The following AKT1 variants were observed in gnomAD, a reference collection of about 807,000 sequenced individuals.
The protein encoded by AKT1 is RAC-alpha serine/threonine-protein kinase.
Under a neutral mutation model 63.1 loss-of-function variants are expected in AKT1, and 21 were observed. That is an observed-to-expected ratio of 0.33 (90% CI 0.24 to 0.48). The LOEUF is 0.48. Among genes scored for constraint, AKT1 ranks in the 20% least tolerant of loss-of-function variants. The pLI is 0.99. For missense variants in AKT1, 382 were observed against 666.0 expected (o/e 0.57, Z 4.69); for synonymous variants, 257 against 253.1 (o/e 1.02, Z -0.15).
chr14:104,781,532 G>A (rs1012187078), intron 3 of AKT1, among the ~76,000 whole-genome samples: 2 of 152,180 alleles, frequency 1.3e-5, no homozygotes, highest in African/African-American at 2.4e-5. Flanking sequence ...GGAGCCACGG[G>A]GGAGTTCTTT....
chr14:104,770,452 CCCACCTCCCTG>C (rs767979781), intron 14 of AKT1, 32 bp from the exon 15 acceptor site: 2 of 1,538,782 alleles, frequency 1.3e-6, no homozygotes, highest in African/African-American at 2.7e-5. Flanking sequence ...ACCCCGGTGC[CCCACCTCCCTG>C]CCACCTCCAC....
At position 104,773,045 on chromosome 14, in the gene AKT1, C is replaced by G. The variant is rs758651475; in HGVS notation, c.1005G>C (p.Leu335=). 1 of 1,614,038 alleles carries G rather than the reference C, an allele frequency of 6.2e-7. No homozygotes were observed. The highest frequency in any genetic ancestry group is 2.2e-5 in the East Asian group (1 of 44,884). ...ACATCATCTCGTACATGACCACGCC[C>G]AGCCCCCACCAGTCCACTGCACGGC... ...DYGRAVDWWG[L]GVVMYEMMCG... is the part of the protein sequence containing the mutation. Residue 335 remains leucine, a synonymous_variant, in exon 12 of 15, where the codon CTG becomes CTC. Coordinates refer to ENST00000649815, the MANE Select transcript of AKT1 (RefSeq NM_001382430.1).
Position 104,782,680 on chromosome 14 carries a change from C to T in AKT1, c.47-2464G>A, listed in dbSNP as rs766201763. Among the ~76,000 whole-genome samples the T allele has an allele frequency of 8.9e-4, 135 of 152,290 alleles. 2 individuals carry two copies. The highest frequency in any genetic ancestry group is 3.4e-3 in the Middle Eastern group (1 of 294). On this transcript the variant is annotated intron_variant, in intron 3 of 14. Coordinates refer to ENST00000649815, the MANE Select transcript of AKT1 (RefSeq NM_001382430.1). The stretch of plus-strand genomic sequence containing the variant: ...CCTTCCCCTCGCCTGGCCCCACAGA[C>T]CCAGGGAACAGACGGCGATCAGGGC...
chr14:104,772,807 C>G, intron 12 of AKT1, 71 bp downstream of exon 12: 1 of 1,496,464 alleles, frequency 6.7e-7, no homozygotes, highest in Non-Finnish European at 9.0e-7. Flanking sequence ...GACCGCCTGG[C>G]GCAGGGGCAG....
rs1893701207 is a variant in AKT1, at chr14:104,792,873, C to T, written c.-79-151G>A. The T allele has an allele frequency of 2.3e-5, 14 of 603,236 alleles. No homozygotes were observed. The South Asian group carries it at 2.5e-4, about 11-fold the overall frequency. The allele number at this position is 603,236 out of a possible 1,614,324, so 37.4% of individuals were successfully genotyped here. ...GCTGCCATCCCTCTAAGCTCTCTGA[C>T]CCCCATCTGCCCGCCTGCCTTCCCT... On this transcript the variant is annotated intron_variant, in intron 2 of 14. Transcript: ENST00000649815.
intron 2 of AKT1, 66 bp downstream of exon 2, chr14:104,793,061 T>G: frequency 3.5e-6 from 1 of 284,200 alleles, no homozygotes; most frequent in Non-Finnish European, 6.8e-6. Flanking sequence ...ACCTCCCCAT[T>G]CCCACCTCCC....
intron 4 of AKT1, among the ~76,000 whole-genome samples, chr14:104,779,828 C>T (rs1892935500): frequency 6.6e-6 from 1 of 151,638 alleles, no homozygotes; most frequent in African/African-American, 2.4e-5. Flanking sequence ...GGACCAGAGA[C>T]CCCTGCCCAG....
rs773838820 is a variant in AKT1 at position 104,772,124 on chromosome 14, C to T, written c.1260+241G>A. 9 of 588,642 alleles carry T rather than the reference C, an allele frequency of 1.5e-5. 1 individual carries two copies. Among genetic ancestry groups the T allele is most frequent in the South Asian group, 5.9e-5 (3 of 50,538 alleles). 36.5% of individuals were successfully genotyped at this position (588,642 alleles called of 1,614,324 possible). ...AGGAGGAAACTCAGAGTGTGACACA[C>T]CTCCGAGGGGAGGAGGAAATGAGGA... is the stretch of plus-strand genomic sequence containing the variant. On this transcript the variant is annotated intron_variant, in intron 13 of 14. Coordinates refer to ENST00000649815, the MANE Select transcript of AKT1 (RefSeq NM_001382430.1).
intron 3 of AKT1, among the ~76,000 whole-genome samples, chr14:104,789,740 C>T (rs1257049432): frequency 6.6e-6 from 1 of 152,194 alleles, no homozygotes; most frequent in Admixed American, 6.5e-5. Context: ...GGACATCTGG[C>T]CCCCTGTCCC....
At position 104,792,756 on chromosome 14, in the gene AKT1, A is replaced by G. The variant is rs1893693686; in HGVS notation, c.-79-34T>C. On this transcript the variant is annotated intron_variant, in intron 2 of 14. Coordinates refer to ENST00000649815, the MANE Select transcript of AKT1 (RefSeq NM_001382430.1). Reference sequence around the variant, plus strand: ...AGCAAAGGAAGCTGAATGTGAGGCCACGCCTGGCTAAGGGCAGCTCCTCGC... The same window carrying G: ...AGCAAAGGAAGCTGAATGTGAGGCCGCGCCTGGCTAAGGGCAGCTCCTCGC... The G allele has an allele frequency of 2.9e-6, 4 of 1,359,608 alleles. No homozygotes were observed. The East Asian group carries it at 9.1e-5, about 31-fold the overall frequency. The allele number at this position is 1,359,608 out of a possible 1,614,324, so 84.2% of individuals were successfully genotyped here.
chr14:104,773,065 C>A lies in AKT1; in HGVS notation c.985G>T (p.Ala329Ser). Residue 329 changes from alanine (A) to serine (S), a missense_variant, in exon 12 of 15, where the codon GCA (alanine) becomes TCA (serine). Around this residue, in one of 3 missense-constraint regions of AKT1, gnomAD observed 66 missense variants for 179.1 expected, o/e 0.37. Coordinates refer to ENST00000649815, the MANE Select transcript of AKT1 (RefSeq NM_001382430.1). ...ACGCCCAGCCCCCACCAGTCCACTG[C>A]ACGGCCGTAGTCATTGTCCTCCAGC... ...EVLEDNDYGR[A>S]VDWWGLGVVM... 3.7e-6 allele frequency: 6 copies of A among 1,614,136 alleles called. No homozygotes were observed. The highest frequency in any genetic ancestry group is 5.1e-6 in the Non-Finnish European group (6 of 1,180,014).
In AKT1 at chr14:104,770,391, G is replaced by A. The variant is rs770370100; in HGVS notation, c.1393C>T (p.Arg465Cys). Residue 465 changes from arginine (R) to cysteine (C), a missense_variant, in exon 15 of 15, where the codon CGC (arginine) becomes TGC (cysteine). Transcript: ENST00000649815. ...DDSMECVDSE[R>C]RPHFPQFSYS... ...GAGAACTGGGGGAAGTGGGGCCTGC[G>A]CTCGCTGTCCACACACTCCATGCTG... 14 of 1,612,358 alleles carry A rather than the reference G, an allele frequency of 8.7e-6. No homozygotes were observed. Among genetic ancestry groups the A allele is most frequent in the East Asian group, 2.2e-5 (1 of 44,872 alleles).
At position 104,776,669 on chromosome 14, in the gene AKT1, G is replaced by C. The variant is rs2140929600; in HGVS notation, c.277C>G (p.Pro93Ala). 1 of 1,613,248 alleles carries C rather than the reference G, an allele frequency of 6.2e-7. No homozygotes were observed. Among genetic ancestry groups the C allele is most frequent in the South Asian group, 1.1e-5 (1 of 91,084 alleles). The change falls in exon 5 of 15, where the codon CCT (proline) becomes GCT (alanine). Residue 93 changes from proline (P) to alanine (A), a missense_variant. By Grantham distance (27) the Pro-to-Ala change is conservative. Around this residue, in one of 3 missense-constraint regions of AKT1, gnomAD observed 226 missense variants for 366.4 expected, o/e 0.62. Coordinates refer to ENST00000649815, the MANE Select transcript of AKT1 (RefSeq NM_001382430.1). ...VIERTFHVET[P>A]EEREEWTTAI... Reference sequence around the variant, plus strand: ...CCACAGCCCACGTACCGCTCCTCAGGAGTCTCCACATGGAAGGTGCGTTCG... The same window carrying C: ...CCACAGCCCACGTACCGCTCCTCAGCAGTCTCCACATGGAAGGTGCGTTCG...
rs61759776 is a variant in AKT1, at chr14:104,788,364, G to A, written c.46+4234C>T. Reference sequence around the variant, plus strand: ...TCCTGCTGGGCCCCTCATCCTGGCGGGGTAATGAGCAGCCTCCATCTGCAC... The same window carrying A: ...TCCTGCTGGGCCCCTCATCCTGGCGAGGTAATGAGCAGCCTCCATCTGCAC... On this transcript the variant is annotated intron_variant, in intron 3 of 14. Coordinates refer to ENST00000649815, the MANE Select transcript of AKT1 (RefSeq NM_001382430.1). Among the ~76,000 whole-genome samples, 636 of 152,320 alleles carry A rather than the reference G, an allele frequency of 4.2e-3. 5 individuals carry two copies. Among genetic ancestry groups the A allele is most frequent in the African/African-American group, 0.015 (620 of 41,568 alleles).
At chr14:104,792,503 C>T in intron 3 of AKT1, 95 bp downstream of exon 3, 1 of 1,430,804 alleles carries the variant, frequency 7.0e-7, no homozygotes, top group Non-Finnish European at 9.8e-7. Flanking sequence ...GGGAGGCAGC[C>T]CCTCCCACCC....
rs758624702 is a variant in AKT1 at position 104,772,891 on chromosome 14, CCTT to C, written c.1156_1158del (p.Lys386del). The C allele has an allele frequency of 1.9e-6, 3 of 1,610,988 alleles. No individual in the cohort carries two copies. Among genetic ancestry groups the C allele is most frequent in the Admixed American group, 1.7e-5 (1 of 59,962 alleles). On this transcript the variant is annotated inframe_deletion, in exon 12 of 15. Transcript: ENST00000649815. ...GGCGGCCCTCACCTCTGCTTGGGGT[CCTT>C]CTTGAGCAGCCCTGAAAGCAAGGAC...
chr14:104,787,001 C>T (rs1893365389), intron 3 of AKT1, among the ~76,000 whole-genome samples: 1 of 152,018 alleles, frequency 6.6e-6, no homozygotes, highest in East Asian at 1.9e-4. Context: ...AGGGCCTGGG[C>T]AGGTGGGCCC....
chr14:104,774,167 A>G, intron 8 of AKT1, 187 bp from the exon 9 acceptor site: 2 of 515,728 alleles, frequency 3.9e-6, no homozygotes, highest in Non-Finnish European at 6.9e-6. Context: ...CCCACACCAC[A>G]CACCCCATCA....
chr14:104,781,234 G>A (rs1175512698), intron 3 of AKT1, among the ~76,000 whole-genome samples: 1 of 152,158 alleles, frequency 6.6e-6, no homozygotes, highest in Non-Finnish European at 1.5e-5. Flanking sequence ...GGGGTCACTG[G>A]GCAGGGGTTA....
Sources: allele counts gnomAD v4.1 joint callset (sites outside exome capture counted in the v4.1 genomes callset), GRCh38; gene constraint gnomAD v4.1.1; regional missense constraint gnomAD v4.1.1; transcripts MANE v1.5; gene names NCBI Gene and HGNC (gene_info 2026-07-23, HGNC 2026-07-21).